Variants in PTTG1IP2 observed in about 807,000 individuals in gnomAD.
The protein encoded by PTTG1IP2 is PTTG1IP family member 2.
intron 6 of PTTG1IP2, among the ~76,000 whole-genome samples, chr7:90,504,065 C>A (rs2116117695): frequency 6.6e-6 from 1 of 151,812 alleles, no homozygotes; most frequent in East Asian, 1.9e-4. Flanking sequence ...ACCTGTAATC[C>A]CAGCATTTTG....
At chr7:90,500,070 C>T (rs938708858) in intron 6 of PTTG1IP2, among the ~76,000 whole-genome samples, 9 of 151,902 alleles carry the variant, frequency 5.9e-5, no homozygotes, top group Non-Finnish European at 8.8e-5. Flanking sequence ...AAAAATTAGC[C>T]GGACTTGGTG....
intron 2 of PTTG1IP2, among the ~76,000 whole-genome samples, chr7:90,486,894 C>T (rs998926729): frequency 1.3e-5 from 2 of 152,056 alleles, no homozygotes; most frequent in East Asian, 1.9e-4. Flanking sequence ...GGAAGATAAG[C>T]GGCAAGAGCC....
intron 4 of PTTG1IP2, among the ~76,000 whole-genome samples, chr7:90,491,176 C>T (rs764075396): frequency 9.9e-5 from 15 of 152,158 alleles, no homozygotes; most frequent in Non-Finnish European, 1.9e-4. Context: ...AAAATTAAAG[C>T]ACTTTAAAAA....
chr7:90,481,767 G>C (rs886584678), intron 2 of PTTG1IP2, among the ~76,000 whole-genome samples: 1 of 151,794 alleles, frequency 6.6e-6, no homozygotes, highest in African/African-American at 2.4e-5. Flanking sequence ...CCTTCCCCTT[G>C]TTCTCAGCTC....
intron 6 of PTTG1IP2, among the ~76,000 whole-genome samples, chr7:90,508,020 G>A (rs1798143148): frequency 6.6e-6 from 1 of 152,010 alleles, no homozygotes; most frequent in African/African-American, 2.4e-5. Flanking sequence ...TACTTTGGGA[G>A]GCTGAGGTGG....
chr7:90,480,842 T>C (rs1346653166), intron 2 of PTTG1IP2, among the ~76,000 whole-genome samples: 2 of 152,354 alleles, frequency 1.3e-5, no homozygotes, highest in South Asian at 2.1e-4. Context: ...GAAACTAGAT[T>C]GTCCTATTTG....
intron 2 of PTTG1IP2, among the ~76,000 whole-genome samples, chr7:90,480,520 T>G (rs1797804106): frequency 6.6e-6 from 1 of 152,172 alleles, no homozygotes; most frequent in African/African-American, 2.4e-5. Context: ...CCCCTCTAAA[T>G]GTATTATTTT....
intron 6 of PTTG1IP2, among the ~76,000 whole-genome samples, chr7:90,498,854 T>A (rs2097671): frequency 0.96 from 146,602 of 152,100 alleles, 70,707 homozygotes; most frequent in East Asian, 1. Flanking sequence ...AATTTTTTTT[T>A]AATTTTCTTT....
At chr7:90,470,449 T>A (rs1170385827) in intron 1 of PTTG1IP2, 1 of 152,238 alleles carries the variant, frequency 6.6e-6, no homozygotes, top group East Asian at 1.9e-4. Flanking sequence ...AATAAGGTTT[T>A]AAGTATCCTA....
chr7:90,491,311 T>C (rs865889979), intron 4 of PTTG1IP2, among the ~76,000 whole-genome samples: 1 of 152,194 alleles, frequency 6.6e-6, no homozygotes, highest in Non-Finnish European at 1.5e-5. Context: ...GTCATTGTCA[T>C]AGGGATATAA....
chr7:90,499,825 C>T lies in PTTG1IP2; in HGVS notation c.*50+5395C>T, dbSNP rs184805804. On this transcript the variant is annotated intron_variant, in intron 6 of 6. Coordinates refer to ENST00000509356, the MANE Select transcript of PTTG1IP2 (RefSeq NM_001365443.2). ...CTTGAACTCCTCACCTCAAGTGATC[C>T]GCATGCCTCAGCCTCCCAAAATGCT... Among the ~76,000 whole-genome samples the T allele has an allele frequency of 3.0e-3, 463 of 152,200 alleles. 3 individuals carry two copies. The highest frequency in any genetic ancestry group is 9.8e-3 in the African/African-American group (406 of 41,552).
At chr7:90,470,620 G>C (rs1332298531) in intron 1 of PTTG1IP2, among the ~76,000 whole-genome samples, 1 of 152,174 alleles carries the variant, frequency 6.6e-6, no homozygotes, top group Non-Finnish European at 1.5e-5. Context: ...AAGCAAATCA[G>C]TCTTCCTTAC....
rs1020376826 is a variant in PTTG1IP2, at chr7:90,493,192, G to A, written c.451+883G>A. The stretch of plus-strand genomic sequence containing the variant: ...TATTTTAGTGCTTTGGGCTGCAGGG[G>A]CATAATGATAGGGAATGTAGAAAAG... On this transcript the variant is annotated intron_variant, in intron 5 of 6. Coordinates refer to ENST00000509356, the MANE Select transcript of PTTG1IP2 (RefSeq NM_001365443.2). Among the ~76,000 whole-genome samples, 7 of 152,110 alleles carry A rather than the reference G, an allele frequency of 4.6e-5. No homozygotes were observed. In the East Asian group the frequency reaches 1.3e-3, roughly 29 times the overall value.
chr7:90,495,963 G>T (rs537155644), intron 6 of PTTG1IP2, among the ~76,000 whole-genome samples: 1 of 152,094 alleles, frequency 6.6e-6, no homozygotes, highest in Admixed American at 6.5e-5. Flanking sequence ...TTTGGGGTTG[G>T]GGGGGAGTAC....
chr7:90,487,286 A>G lies in PTTG1IP2; in HGVS notation c.193-41A>G, dbSNP rs1797884739. The G allele has an allele frequency of 2.0e-5, 3 of 152,624 alleles. No homozygotes were observed. The South Asian group carries it at 6.2e-4, about 32-fold the overall frequency. 9.5% of individuals were successfully genotyped at this position (152,624 alleles called of 1,614,324 possible). On this transcript the variant is annotated intron_variant, in intron 2 of 6. Transcript: ENST00000509356. Reference sequence around the variant, plus strand: ...AAAACTTCCTGGGATTGTGGTTATTATACTTGGACACCACTTTTATTTTTC... The same window carrying G: ...AAAACTTCCTGGGATTGTGGTTATTGTACTTGGACACCACTTTTATTTTTC...
intron 6 of PTTG1IP2, among the ~76,000 whole-genome samples, chr7:90,496,378 G>A (rs1797991829): frequency 6.6e-6 from 1 of 152,022 alleles, no homozygotes; most frequent in South Asian, 2.1e-4. Flanking sequence ...TGGGTGTGTT[G>A]TATTTGTCTA....
chr7:90,512,256 T>G (rs1387255582), intron 6 of PTTG1IP2, among the ~76,000 whole-genome samples: 2 of 151,926 alleles, frequency 1.3e-5, no homozygotes, highest in Non-Finnish European at 2.9e-5. Flanking sequence ...TATTCCTAGG[T>G]GGATACAAAA....
chr7:90,479,381 A>G (rs1434352138), intron 2 of PTTG1IP2, 107 bp downstream of exon 2: 1 of 152,570 alleles, frequency 6.6e-6, no homozygotes, highest in African/African-American at 2.4e-5. Flanking sequence ...CATTTTTTAT[A>G]ACAAGAATGA....
At chr7:90,484,004 C>T (rs1797840884) in intron 2 of PTTG1IP2, among the ~76,000 whole-genome samples, 1 of 152,002 alleles carries the variant, frequency 6.6e-6, no homozygotes, top group Non-Finnish European at 1.5e-5. Context: ...ATGCTCACAG[C>T]TGCTTGATTG....
Sources: gnomAD v4.1 joint callset for allele counts (sites outside exome capture counted in the v4.1 genomes callset) on GRCh38, gnomAD v4.1.1 for gene constraint, MANE v1.5 for transcripts, NCBI Gene and HGNC (gene_info 2026-07-23, HGNC 2026-07-21) for gene names.